The following EIF3H variants were observed in gnomAD, a reference collection of about 807,000 sequenced individuals.
EIF3H encodes eIF-3-gamma.
A neutral mutation model predicts 44.2 loss-of-function variants in EIF3H; 26 were observed. The observed-to-expected ratio is 0.59, with a 90% CI of 0.43 to 0.82. EIF3H has a LOEUF of 0.82. EIF3H is among the 40% of genes least tolerant of loss of function. The pLI, the probability that EIF3H is intolerant of heterozygous loss-of-function variation, is 0.00. For missense variants in EIF3H, 359 were observed against 432.8 expected (o/e 0.83, Z 1.51); for synonymous variants, 166 against 151.9 (o/e 1.09, Z -0.68).
chr8:116,726,967 AAT>A (rs1164929045), intron 1 of EIF3H, among the ~76,000 whole-genome samples: 1 of 152,246 alleles, frequency 6.6e-6, no homozygotes, highest in Non-Finnish European at 1.5e-5. Context: ...ATTAATATTT[AAT>A]ATGAGCCCAT....
chr8:116,675,530 A>G (rs921570406), intron 2 of EIF3H, among the ~76,000 whole-genome samples: 5 of 152,224 alleles, frequency 3.3e-5, no homozygotes, highest in Non-Finnish European at 2.9e-5. Context: ...AGTGTCTCCA[A>G]ACACCTCCTG....
intron 2 of EIF3H, among the ~76,000 whole-genome samples, chr8:116,693,414 G>A (rs773460717): frequency 2.0e-5 from 3 of 152,198 alleles, no homozygotes; most frequent in South Asian, 2.1e-4. Flanking sequence ...CACCACCTAC[G>A]TGGTAACAAA....
At chr8:116,765,628 T>A (rs1200106755) in exon 1 of EIF3H, 3 of 152,242 alleles carry the variant, frequency 2.0e-5, no homozygotes, top group African/African-American at 7.2e-5. Flanking sequence ...GCTTTGTGCC[T>A]TCCTGTTACT....
Position 116,752,795 on chromosome 8 carries a change from GGGAA to G in EIF3H, c.132+2867_132+2870del, listed in dbSNP as rs1302875837. 4.4e-3 allele frequency among the ~76,000 whole-genome samples: 355 copies of G among 80,380 alleles called. 21 individuals are homozygous for G. The East Asian group carries it at 0.085, about 19-fold the overall frequency. The allele number at this position is 80,380 out of a possible 152,430, so 52.7% of individuals were successfully genotyped here. A position where few individuals can be genotyped will look rare whatever the true frequency, so the allele number is the denominator to read the frequency against. On this transcript the variant is annotated intron_variant, in intron 1 of 7. Coordinates refer to ENST00000521861, the MANE Select transcript of EIF3H (RefSeq NM_003756.3). The stretch of plus-strand genomic sequence containing the variant: ...AGGGAGGGAGGGAGGGAGGGAGGGA[GGGAA>G]GGAAGGAAGGAAGGAAGGAAGGAAG...
intron 1 of EIF3H, among the ~76,000 whole-genome samples, chr8:116,727,581 C>T (rs1374451905): frequency 1.3e-5 from 2 of 152,152 alleles, no homozygotes; most frequent in Non-Finnish European, 2.9e-5. Flanking sequence ...GTGTGAGATA[C>T]TGAATTATGG....
chr8:116,691,785 T>C (rs147322924), intron 2 of EIF3H, among the ~76,000 whole-genome samples: 2,070 of 151,730 alleles, frequency 0.014, 52 homozygotes, highest in African/African-American at 0.046. Flanking sequence ...TGAAGCAGAA[T>C]TGCTTGAACC....
intron 2 of EIF3H, among the ~76,000 whole-genome samples, chr8:116,682,684 T>C (rs1814009574): frequency 6.6e-6 from 1 of 152,192 alleles, no homozygotes; most frequent in South Asian, 2.1e-4. Flanking sequence ...AAAATTAAAA[T>C]GGAATTAAGG....
upstream of EIF3H, among the ~76,000 whole-genome samples, chr8:116,760,411 T>C (rs1258610602): frequency 1.3e-5 from 2 of 152,234 alleles, no homozygotes; most frequent in South Asian, 4.1e-4. Context: ...TTGTTCAGTG[T>C]TATGAAAGAA....
At position 116,657,229 on chromosome 8, in the gene EIF3H, A is replaced by G; in HGVS notation, c.543T>C (p.Asp181=). ...CAAACACTTACGCTTCAGGGGAAAAATCCTTTTCTTTACAAACTTCCATCA... is the reference window on the plus strand; with the variant it reads ...CAAACACTTACGCTTCAGGGGAAAAGTCCTTTTCTTTACAAACTTCCATCA... ...PKLMEVCKEK[D]FSPEALKKAN... Residue 181 remains aspartate (D), a synonymous_variant, in exon 4 of 8, where the codon GAT becomes GAC. Transcript: ENST00000521861. 3 of 1,613,542 alleles carry G rather than the reference A, an allele frequency of 1.9e-6. No individual in the cohort carries two copies. The highest frequency in any genetic ancestry group is 2.2e-5 in the East Asian group (1 of 44,864).
chr8:116,689,023 C>A, intron 2 of EIF3H: 1 of 409,848 alleles, frequency 2.4e-6, no homozygotes, highest in Non-Finnish European at 4.9e-6. Context: ...CAGCATTATT[C>A]ATAATAGGCA....
intron 2 of EIF3H, among the ~76,000 whole-genome samples, chr8:116,706,331 T>C (rs1814469218): frequency 6.6e-6 from 1 of 152,174 alleles, no homozygotes; most frequent in Non-Finnish European, 1.5e-5. Context: ...GTCAAGCTCA[T>C]TCCCACCTCA....
intron 4 of EIF3H, 65 bp downstream of exon 4, chr8:116,657,150 T>C: frequency 1.5e-6 from 2 of 1,353,608 alleles, no homozygotes; most frequent in South Asian, 1.2e-5. Flanking sequence ...ATTCAAGAGA[T>C]GTGGCAAAGA....
At chr8:116,689,895 A>G (rs4492407) in intron 2 of EIF3H, among the ~76,000 whole-genome samples, 9,928 of 152,252 alleles carry the variant, frequency 0.065, 407 homozygotes, top group African/African-American at 0.11. Flanking sequence ...GGAAAAGTAT[A>G]TATCATATGA....
At chr8:116,652,612 C>T (rs933084141) in intron 5 of EIF3H, among the ~76,000 whole-genome samples, 12 of 151,990 alleles carry the variant, frequency 7.9e-5, no homozygotes, top group African/African-American at 2.2e-4. Flanking sequence ...AAAGTGTTTA[C>T]GTACGTAGAT....
At chr8:116,762,020 T>G (rs2131012339) in intron 1 of EIF3H, among the ~76,000 whole-genome samples, 1 of 152,342 alleles carries the variant, frequency 6.6e-6, no homozygotes, top group East Asian at 1.9e-4. Flanking sequence ...CAAGACAGTT[T>G]CTATAGTATG....
At chr8:116,743,381 T>C (rs764544400) in intron 1 of EIF3H, among the ~76,000 whole-genome samples, 1 of 151,056 alleles carries the variant, frequency 6.6e-6, no homozygotes, top group Non-Finnish European at 1.5e-5. Context: ...AGCCCAGGAG[T>C]GGGAAGCTGT....
chr8:116,697,706 C>T (rs1234063451), intron 2 of EIF3H, among the ~76,000 whole-genome samples: 1 of 152,176 alleles, frequency 6.6e-6, no homozygotes, highest in Non-Finnish European at 1.5e-5. Flanking sequence ...TTTATTTGTT[C>T]TTATTAAATA....
chr8:116,666,899 A>C (rs1300238849), intron 2 of EIF3H, among the ~76,000 whole-genome samples: 1 of 152,206 alleles, frequency 6.6e-6, no homozygotes, highest in East Asian at 1.9e-4. Context: ...TATTTAAAAA[A>C]CGTGATTGTT....
At chr8:116,690,020 C>T (rs1021901803) in intron 2 of EIF3H, among the ~76,000 whole-genome samples, 1 of 152,136 alleles carries the variant, frequency 6.6e-6, no homozygotes, top group Non-Finnish European at 1.5e-5. Context: ...CAGTTTAATA[C>T]CTGCTTAAAA....
Sources: gnomAD v4.1 joint callset for allele counts (sites outside exome capture counted in the v4.1 genomes callset) on GRCh38, gnomAD v4.1.1 for gene constraint, MANE v1.5 for transcripts, NCBI Gene and HGNC (gene_info 2026-07-23, HGNC 2026-07-21) for gene names.